Variants in MTHFD1L observed in about 807,000 individuals in gnomAD.
MTHFD1L encodes the protein monofunctional C1-tetrahydrofolate synthase, mitochondrial.
Under a neutral mutation model 119.5 loss-of-function variants are expected in MTHFD1L, and 81 were observed. The observed-to-expected ratio is 0.68, with a 90% CI of 0.57 to 0.82. The LOEUF is 0.82. MTHFD1L is among the 40% of genes least tolerant of loss of function. MTHFD1L has a pLI of 0.00. For missense variants in MTHFD1L, 1,125 were observed against 1,253.4 expected, an observed-to-expected ratio of 0.90 and a Z score of 1.55; for synonymous variants, 430 against 475.2, an observed-to-expected ratio of 0.90 and a Z score of 1.24.
intron 1 of MTHFD1L, among the ~76,000 whole-genome samples, chr6:150,867,474 G>GTCAT (rs1229221338): frequency 3.9e-5 from 6 of 152,194 alleles, no homozygotes; most frequent in African/African-American, 1.4e-4. Context: ...TACACGTCAG[G>GTCAT]TCATTAGGTT....
At chr6:150,919,907 A>T (rs536002079) in intron 9 of MTHFD1L, among the ~76,000 whole-genome samples, 3 of 152,282 alleles carry the variant, frequency 2.0e-5, no homozygotes, top group Non-Finnish European at 4.4e-5. Context: ...ATTTGAAGTG[A>T]AGATGTCAGC....
At chr6:150,927,317 G>A (rs1276256012) in intron 11 of MTHFD1L, among the ~76,000 whole-genome samples, 2 of 151,962 alleles carry the variant, frequency 1.3e-5, no homozygotes, top group African/African-American at 2.4e-5. Flanking sequence ...TCAGCCATGA[G>A]GTCACACTCA....
chr6:150,993,239 C>T (rs1779294443), intron 20 of MTHFD1L, among the ~76,000 whole-genome samples: 1 of 151,984 alleles, frequency 6.6e-6, no homozygotes, highest in South Asian at 2.1e-4. Flanking sequence ...ATAGTTTTTT[C>T]TTCCAAAAAA....
chr6:150,938,325 A>AT (rs1334857051), intron 12 of MTHFD1L, among the ~76,000 whole-genome samples: 1 of 151,994 alleles, frequency 6.6e-6, no homozygotes, highest in South Asian at 2.1e-4. Flanking sequence ...GCCACAGTGT[A>AT]TTTTTTTTAA....
intron 24 of MTHFD1L, among the ~76,000 whole-genome samples, chr6:151,018,774 C>CAGGGGACATCATT (rs1783513029): frequency 6.6e-6 from 1 of 152,156 alleles, no homozygotes; most frequent in South Asian, 2.1e-4. Flanking sequence ...CCATGCCACA[C>CAGGGGACATCATT]AGGGGACATC....
chr6:151,044,593 G>A (rs1338206678), intron 26 of MTHFD1L, among the ~76,000 whole-genome samples: 2 of 152,032 alleles, frequency 1.3e-5, no homozygotes, highest in Admixed American at 6.6e-5. Flanking sequence ...GAGCCACTGC[G>A]CCCGGCCAAC....
chr6:151,013,921 G>A (rs544979552), intron 22 of MTHFD1L, 101 bp downstream of exon 22: 10 of 1,044,684 alleles, frequency 9.6e-6, no homozygotes, highest in Admixed American at 2.1e-5. Flanking sequence ...TCTTAGAAAA[G>A]TGCTGTTCTG....
intron 26 of MTHFD1L, among the ~76,000 whole-genome samples, chr6:151,071,636 A>C (rs1791954972): frequency 6.6e-6 from 1 of 152,088 alleles, no homozygotes; most frequent in African/African-American, 2.4e-5. Context: ...AAAAATTACA[A>C]GTTCAGAGAA....
At chr6:150,886,465 A>G (rs1370248017) in intron 6 of MTHFD1L, among the ~76,000 whole-genome samples, 6 of 150,380 alleles carry the variant, frequency 4.0e-5, no homozygotes, top group Non-Finnish European at 8.9e-5. Flanking sequence ...AAAAGAGAAG[A>G]AGAAGAAGCC....
chr6:150,883,924 C>T (rs1037870955), intron 5 of MTHFD1L, among the ~76,000 whole-genome samples: 1 of 152,072 alleles, frequency 6.6e-6, no homozygotes, highest in Non-Finnish European at 1.5e-5. Flanking sequence ...GAGGCTACCA[C>T]CTTCCTGAGA....
At chr6:150,985,735 G>C (rs910800632) in intron 20 of MTHFD1L, among the ~76,000 whole-genome samples, 3 of 151,746 alleles carry the variant, frequency 2.0e-5, no homozygotes, top group Admixed American at 6.6e-5. Flanking sequence ...TTCTTGAAAG[G>C]CTTGTTTAAA....
intron 10 of MTHFD1L, among the ~76,000 whole-genome samples, chr6:150,922,842 A>G (rs1789225104): frequency 6.7e-6 from 1 of 149,600 alleles, no homozygotes; most frequent in Admixed American, 6.6e-5. Context: ...TGGGGGTTTC[A>G]CCATTTTGGC....
intron 21 of MTHFD1L, 115 bp from the exon 22 acceptor site, chr6:151,013,664 A>G (rs1782605081): frequency 1.0e-6 from 1 of 1,002,230 alleles, no homozygotes. Context: ...TTAAAAGCAC[A>G]AAACATAGAG....
In MTHFD1L at chr6:151,049,955, C is replaced by CCCA. The variant is rs1237633294; in HGVS notation, c.2847+12841_2847+12843dup. 5.3e-5 allele frequency among the ~76,000 whole-genome samples: 8 copies of CCCA among 152,164 alleles called. No homozygotes were observed. The East Asian group carries it at 1.6e-3, about 30-fold the overall frequency. On this transcript the variant is annotated intron_variant, in intron 26 of 27. Transcript: ENST00000367321. ...TCTTAAGACCCTCCCATGAGAGGGT[C>CCCA]CCACCCTACACCTTGTGGGAAGGAA...
At chr6:151,003,121 A>G (rs922203389) in intron 20 of MTHFD1L, among the ~76,000 whole-genome samples, 2 of 152,188 alleles carry the variant, frequency 1.3e-5, no homozygotes, top group African/African-American at 4.8e-5. Context: ...ACATCCAAAA[A>G]TCAGTGTGGC....
At chr6:150,903,904 C>G (rs1371318446) in intron 7 of MTHFD1L, among the ~76,000 whole-genome samples, 1 of 152,150 alleles carries the variant, frequency 6.6e-6, no homozygotes, top group Non-Finnish European at 1.5e-5. Context: ...CAAATATTTC[C>G]AAGGTATTAG....
intron 26 of MTHFD1L, among the ~76,000 whole-genome samples, chr6:151,037,868 T>C (rs965305449): frequency 1.3e-5 from 2 of 152,144 alleles, no homozygotes; most frequent in Non-Finnish European, 2.9e-5. Context: ...AAAGAATTCT[T>C]ACAACCTAGC....
intron 12 of MTHFD1L, among the ~76,000 whole-genome samples, chr6:150,937,732 C>T (rs1398446606): frequency 6.6e-6 from 1 of 152,144 alleles, no homozygotes; most frequent in Non-Finnish European, 1.5e-5. Flanking sequence ...CCAGTCACAA[C>T]CTCTCGGAGC....
intron 16 of MTHFD1L, 110 bp from the exon 17 acceptor site, chr6:150,955,885 C>A: frequency 1.1e-6 from 1 of 874,632 alleles, no homozygotes; most frequent in South Asian, 1.5e-5. Flanking sequence ...GGGAGCCTGA[C>A]CTTTTCTCTT....
Sources: allele counts gnomAD v4.1 joint callset (sites outside exome capture counted in the v4.1 genomes callset), GRCh38; gene constraint gnomAD v4.1.1; transcripts MANE v1.5; gene names NCBI Gene and HGNC (gene_info 2026-07-23, HGNC 2026-07-21).